The following GTF2F2 variants were observed in gnomAD, a reference collection of about 807,000 sequenced individuals.
The protein encoded by GTF2F2 is general transcription factor IIF subunit 2, also known as ATP-dependent helicase GTF2F2.
Under a neutral mutation model 42.2 loss-of-function variants are expected in GTF2F2, and 23 were observed. The observed-to-expected ratio is 0.55, with a 90% confidence interval of 0.39 to 0.77. GTF2F2 has a LOEUF of 0.77. Ranked by LOEUF, GTF2F2 falls within the 30% of genes least tolerant of loss-of-function variation. GTF2F2 has a pLI of 0.00. For synonymous variants in GTF2F2, 105 were observed against 100.8 expected, an observed-to-expected ratio of 1.04 and a Z score of -0.25; for missense variants, 261 against 287.2, an observed-to-expected ratio of 0.91 and a Z score of 0.66.
intron 4 of GTF2F2, among the ~76,000 whole-genome samples, chr13:45,158,740 T>C (rs1870888938): frequency 6.6e-6 from 1 of 152,228 alleles, no homozygotes; most frequent in African/African-American, 2.4e-5. Flanking sequence ...CTGTATCTCA[T>C]GGTTATCTCC....
chr13:45,243,377 A>G (rs1875419419), intron 5 of GTF2F2, among the ~76,000 whole-genome samples: 1 of 152,200 alleles, frequency 6.6e-6, no homozygotes, highest in Non-Finnish European at 1.5e-5. Flanking sequence ...CATGAGCCCT[A>G]TTGTAAACTG....
chr13:45,165,113 A>T (rs139976857), intron 4 of GTF2F2, among the ~76,000 whole-genome samples: 33 of 152,182 alleles, frequency 2.2e-4, no homozygotes, highest in Non-Finnish European at 4.4e-4. Flanking sequence ...GAGCACTTAC[A>T]CAGTGTGGAT....
chr13:45,151,154 A>G lies in GTF2F2; in HGVS notation c.160-533A>G, dbSNP rs559492422. Among the ~76,000 whole-genome samples, 128 of 152,100 alleles carry G rather than the reference A, an allele frequency of 8.4e-4. 2 individuals are homozygous for G. The South Asian group carries it at 0.018, about 22-fold the overall frequency. On this transcript the variant is annotated intron_variant, in intron 3 of 7. Coordinates refer to ENST00000340473, the MANE Select transcript of GTF2F2 (RefSeq NM_004128.3). The stretch of plus-strand genomic sequence containing the variant: ...TCCCTCTCTCTTTTTGGAGTCCCCA[A>G]TGTCTGTTGTTCCCATCTTTAGGTC...
intron 4 of GTF2F2, among the ~76,000 whole-genome samples, chr13:45,160,871 C>T (rs1312487760): frequency 6.6e-6 from 1 of 151,162 alleles, no homozygotes; most frequent in Admixed American, 6.6e-5. Context: ...GTCATTCTTT[C>T]AAGTAACAAT....
intron 2 of GTF2F2, among the ~76,000 whole-genome samples, chr13:45,139,374 G>A (rs1869800535): frequency 6.6e-6 from 1 of 152,186 alleles, no homozygotes; most frequent in African/African-American, 2.4e-5. Flanking sequence ...GTCCACGCTC[G>A]TAATTCTGAC....
chr13:45,265,046 G>A (rs907738579), intron 6 of GTF2F2, among the ~76,000 whole-genome samples: 1 of 152,042 alleles, frequency 6.6e-6, no homozygotes, highest in Non-Finnish European at 1.5e-5. Flanking sequence ...GGATCACGAG[G>A]TTAGGAGTTC....
chr13:45,205,255 A>G (rs1414856683), intron 4 of GTF2F2, among the ~76,000 whole-genome samples: 1 of 152,200 alleles, frequency 6.6e-6, no homozygotes, highest in Non-Finnish European at 1.5e-5. Flanking sequence ...GCAAAGGGGA[A>G]GCAGGCACCA....
chr13:45,127,166 A>G (rs766206950), intron 1 of GTF2F2, among the ~76,000 whole-genome samples: 1 of 152,090 alleles, frequency 6.6e-6, no homozygotes, highest in Non-Finnish European at 1.5e-5. Flanking sequence ...TATTATTATT[A>G]TTTTTTATTG....
chr13:45,147,096 A>C (rs1194034029), intron 2 of GTF2F2, among the ~76,000 whole-genome samples: 1 of 152,178 alleles, frequency 6.6e-6, no homozygotes, highest in Non-Finnish European at 1.5e-5. Flanking sequence ...TGAAAATGAA[A>C]TTGTCCTCTC....
At chr13:45,150,627 C>T (rs1335261082) in intron 3 of GTF2F2, among the ~76,000 whole-genome samples, 1 of 147,588 alleles carries the variant, frequency 6.8e-6, no homozygotes, top group Non-Finnish European at 1.5e-5. Flanking sequence ...CCCTTGACCT[C>T]AGACCTCAGA....
chr13:45,250,051 C>CTTTTTTTTTTTTTTTTTT (rs780347641), intron 5 of GTF2F2, among the ~76,000 whole-genome samples: 1 of 100,862 alleles, frequency 9.9e-6, no homozygotes, highest in Non-Finnish European at 1.9e-5. Flanking sequence ...TGCCTTATCT[C>CTTTTTTTTTTTTTTTTTT]TTTTTTTTTT....
At chr13:45,216,536 AG>A (rs999259812) in intron 5 of GTF2F2, among the ~76,000 whole-genome samples, 3 of 151,588 alleles carry the variant, frequency 2.0e-5, no homozygotes, top group African/African-American at 7.3e-5. Flanking sequence ...TTTGTTTTTG[AG>A]ATAGAGTCTT....
At chr13:45,185,077 C>A (rs757186532) in intron 4 of GTF2F2, among the ~76,000 whole-genome samples, 7 of 152,084 alleles carry the variant, frequency 4.6e-5, no homozygotes, top group Non-Finnish European at 8.8e-5. Flanking sequence ...CCATCCTTGG[C>A]CTTTGAAAGT....
At chr13:45,137,372 A>G (rs932758014) in intron 2 of GTF2F2, among the ~76,000 whole-genome samples, 1 of 152,212 alleles carries the variant, frequency 6.6e-6, no homozygotes, top group Admixed American at 6.5e-5. Flanking sequence ...AACCAACTCC[A>G]TTCAGATTCG....
intron 4 of GTF2F2, among the ~76,000 whole-genome samples, chr13:45,162,481 G>C (rs1302117941): frequency 6.6e-6 from 1 of 152,178 alleles, no homozygotes; most frequent in Non-Finnish European, 1.5e-5. Context: ...TTTATTTCCT[G>C]AACTGCCACC....
intron 1 of GTF2F2, among the ~76,000 whole-genome samples, chr13:45,134,176 T>C (rs1041555012): frequency 6.6e-6 from 1 of 152,214 alleles, no homozygotes; most frequent in Non-Finnish European, 1.5e-5. Flanking sequence ...TTTCCCCTTT[T>C]CAATCTGTGT....
rs1419802818 is a variant in GTF2F2 at position 45,181,310 on chromosome 13, CT to C, written c.305-26110del. On this transcript the variant is annotated intron_variant, in intron 4 of 7. Transcript: ENST00000340473. The stretch of plus-strand genomic sequence containing the variant: ...TACCTTAAAAAAGGAAAGGGTCATA[CT>C]TTTCAACTAGTGGCACCTTGAAATA... Among the ~76,000 whole-genome samples, 80 of 151,858 alleles carry C rather than the reference CT, an allele frequency of 5.3e-4. 1 individual carries two copies. The highest frequency in any genetic ancestry group is 1.9e-3 in the African/African-American group (80 of 41,360).
intron 5 of GTF2F2, among the ~76,000 whole-genome samples, chr13:45,219,092 C>A (rs1308284706): frequency 6.6e-6 from 1 of 151,674 alleles, no homozygotes; most frequent in Non-Finnish European, 1.5e-5. Context: ...AATGGTTCAG[C>A]CTGCATAGTG....
At chr13:45,207,300 C>T in intron 4 of GTF2F2, 124 bp from the exon 5 acceptor site, 1 of 628,136 alleles carries the variant, frequency 1.6e-6, no homozygotes, top group Non-Finnish European at 2.8e-6. Context: ...TGAAACTTAA[C>T]TATTTTTTCT....
Sources: allele counts gnomAD v4.1 joint callset (sites outside exome capture counted in the v4.1 genomes callset), GRCh38; gene constraint gnomAD v4.1.1; transcripts MANE v1.5; gene names NCBI Gene and HGNC (gene_info 2026-07-23, HGNC 2026-07-21).